Variants in CALN1 observed in about 807,000 individuals in gnomAD.
CALN1 encodes calneuron 1.
In CALN1, 17 loss-of-function variants were observed where a neutral mutation model predicts 30.6. The observed-to-expected ratio is 0.56, with a 90% CI of 0.38 to 0.83. CALN1 has a LOEUF of 0.83. CALN1 is among the 40% of genes least tolerant of loss of function. The pLI is 0.00. For synonymous variants in CALN1, 156 were observed against 131.4 expected (o/e 1.19, Z -1.28); for missense variants, 291 against 354.9 (o/e 0.82, Z 1.45).
chr7:71,978,924 A>C (rs1306515337), intron 5 of CALN1, among the ~76,000 whole-genome samples: 3 of 152,242 alleles, frequency 2.0e-5, no homozygotes, highest in Admixed American at 2.0e-4. Context: ...TTATAAGCAC[A>C]GGCACCAAAT....
chr7:72,177,533 G>A (rs980865173), intron 3 of CALN1, among the ~76,000 whole-genome samples: 3 of 152,138 alleles, frequency 2.0e-5, no homozygotes, highest in African/African-American at 2.4e-5. Context: ...GGGAGGCTGA[G>A]AAGGGCGGAT....
At chr7:72,415,942 G>A (rs1807407411), upstream of CALN1, among the ~76,000 whole-genome samples, 1 of 152,204 alleles carries the variant, frequency 6.6e-6, no homozygotes, top group African/African-American at 2.4e-5. Context: ...CTAGAGGCAG[G>A]ACAAAAACAA....
chr7:72,456,743 G>T, the CALN1 span, among the ~76,000 whole-genome samples: 4 of 152,010 alleles, frequency 2.6e-5, no homozygotes, highest in Non-Finnish European at 1.5e-5. Context: ...CTACTTGGGA[G>T]GCTGAGGCAG....
intron 2 of CALN1, among the ~76,000 whole-genome samples, chr7:72,341,007 G>C (rs1227004100): frequency 1.3e-5 from 2 of 152,026 alleles, no homozygotes; most frequent in Non-Finnish European, 2.9e-5. Flanking sequence ...CCCAGTCTCA[G>C]CTATGTCTTT....
chr7:72,475,941 C>CTCTTTTTTT, the CALN1 span, among the ~76,000 whole-genome samples: 6 of 75,880 alleles, frequency 7.9e-5, no homozygotes, highest in African/African-American at 3.8e-4. Flanking sequence ...CTCTCTCTCT[C>CTCTTTTTTT]TTTTTTTTTT....
chr7:72,314,465 C>A (rs564722830), intron 2 of CALN1, among the ~76,000 whole-genome samples: 1 of 150,116 alleles, frequency 6.7e-6, no homozygotes, highest in South Asian at 2.1e-4. Flanking sequence ...ATTCTGTCAC[C>A]CAGGCTGTAG....
intron 3 of CALN1, among the ~76,000 whole-genome samples, chr7:72,180,895 C>CA (rs1789731875): frequency 1.3e-5 from 2 of 151,960 alleles, no homozygotes; most frequent in African/African-American, 4.8e-5. Context: ...ATCAGGCACT[C>CA]AAGACCAGCC....
intron 3 of CALN1, among the ~76,000 whole-genome samples, chr7:72,219,417 A>G (rs1793097186): frequency 6.6e-6 from 1 of 151,904 alleles, no homozygotes; most frequent in African/African-American, 2.4e-5. Context: ...TTTTGTAGAG[A>G]TGGGGTCTTG....
chr7:72,488,268 G>A, the CALN1 span, among the ~76,000 whole-genome samples: 1 of 152,054 alleles, frequency 6.6e-6, no homozygotes, highest in African/African-American at 2.4e-5. Flanking sequence ...TTACTTGGGA[G>A]GCTGAGGCAG....
chr7:72,186,680 T>C (rs1790213226), intron 3 of CALN1, among the ~76,000 whole-genome samples: 2 of 152,096 alleles, frequency 1.3e-5, no homozygotes, highest in South Asian at 2.1e-4. Context: ...TGGTTTTCTG[T>C]TTCTGTGTTA....
At chr7:71,788,448 T>C (rs1353051810) in intron 6 of CALN1, among the ~76,000 whole-genome samples, 1 of 151,848 alleles carries the variant, frequency 6.6e-6, no homozygotes, top group Non-Finnish European at 1.5e-5. Context: ...AGTGGGGTCG[T>C]TGGACAAGCA....
chr7:71,973,099 GCTCT>G (rs1274021058), intron 5 of CALN1, among the ~76,000 whole-genome samples: 4 of 152,006 alleles, frequency 2.6e-5, no homozygotes, highest in Admixed American at 6.6e-5. Flanking sequence ...ATAAGTAGGT[GCTCT>G]CTATTTTTGA....
intron 3 of CALN1, among the ~76,000 whole-genome samples, chr7:72,247,514 C>T (rs1160259720): frequency 6.6e-6 from 1 of 151,992 alleles, no homozygotes; most frequent in Non-Finnish European, 1.5e-5. Context: ...CTCAGCCTCC[C>T]AAAGTGCTGG....
chr7:71,952,229 T>C (rs1018835899), intron 5 of CALN1, among the ~76,000 whole-genome samples: 1 of 152,222 alleles, frequency 6.6e-6, no homozygotes, highest in Non-Finnish European at 1.5e-5. Flanking sequence ...CCTGGCAGGA[T>C]CTTCCTAAAT....
At chr7:71,789,701 G>C (rs867762046) in intron 6 of CALN1, among the ~76,000 whole-genome samples, 9 of 152,142 alleles carry the variant, frequency 5.9e-5, no homozygotes, top group African/African-American at 2.2e-4. Flanking sequence ...TCTTTCTGTT[G>C]TGCCAGGTCT....
Position 72,282,478 on chromosome 7 carries a change from C to A in CALN1, c.120-3668G>T, listed in dbSNP as rs1797795897. 1.3e-5 allele frequency among the ~76,000 whole-genome samples: 2 copies of A among 152,128 alleles called. 1 individual carries two copies. The highest frequency in any genetic ancestry group is 4.2e-4 in the South Asian group (2 of 4,818). ...GGAGCCTTTAGAAGCTGATTAGGTCCATGAGGGCTCCTCCCTCACTGATGG... is the reference window on the plus strand; with the variant it reads ...GGAGCCTTTAGAAGCTGATTAGGTCAATGAGGGCTCCTCCCTCACTGATGG... On this transcript the variant is annotated intron_variant, in intron 2 of 6. Coordinates refer to ENST00000395275, the MANE Select transcript of CALN1 (RefSeq NM_031468.4).
At chr7:72,408,566 G>A (rs970442894) in intron 1 of CALN1, among the ~76,000 whole-genome samples, 66 of 151,690 alleles carry the variant, frequency 4.4e-4, no homozygotes, top group African/African-American at 1.5e-3. Context: ...GGTCATCATG[G>A]ATAATTTTTT....
chr7:72,030,747 AT>A lies in CALN1; in HGVS notation c.389-6979del, dbSNP rs760388648. On this transcript the variant is annotated intron_variant, in intron 4 of 6. Coordinates refer to ENST00000395275, the MANE Select transcript of CALN1 (RefSeq NM_031468.4). ...CATGGTTTTTTAAAATACCCACACA[AT>A]TTTTTTTTTTTTCTTAGAGGCAGGG... is the stretch of plus-strand genomic sequence containing the variant. Among the ~76,000 whole-genome samples the A allele has an allele frequency of 5.3e-3, 774 of 146,180 alleles. 5 individuals are homozygous for A. Among genetic ancestry groups the A allele is most frequent in the African/African-American group, 0.015 (615 of 40,052 alleles).
chr7:72,162,206 T>C (rs1245547934), intron 3 of CALN1, among the ~76,000 whole-genome samples: 3 of 152,080 alleles, frequency 2.0e-5, no homozygotes, highest in Non-Finnish European at 2.9e-5. Flanking sequence ...ACATAATCTA[T>C]TACCTTGAGT....
Sources: gnomAD v4.1 joint callset for allele counts (sites outside exome capture counted in the v4.1 genomes callset) on GRCh38, gnomAD v4.1.1 for gene constraint, MANE v1.5 for transcripts, NCBI Gene and HGNC (gene_info 2026-07-23, HGNC 2026-07-21) for gene names.